CFAP221: variants seen among roughly 807,000 people sequenced by gnomAD.
CFAP221 encodes the protein cilia- and flagella-associated protein 221.
CFAP221 carries 97 observed loss-of-function variants against 113.1 expected under a neutral mutation model. The observed-to-expected ratio is 0.86, with a 90% CI of 0.73 to 1.02. The LOEUF (loss-of-function observed/expected upper bound fraction) is 1.02. Among genes scored for constraint, CFAP221 ranks in the 50% least tolerant of loss-of-function variants. CFAP221 has a pLI of 0.00. For missense variants in CFAP221, 1,025 were observed against 1,013.4 expected (o/e 1.01, Z -0.16); for synonymous variants, 331 against 354.4 (o/e 0.93, Z 0.74).
rs1025316537 is a variant in CFAP221 at position 119,633,999 on chromosome 2, T to G, written c.1974+3098T>G. Among the ~76,000 whole-genome samples, 8 of 152,322 alleles carry G rather than the reference T, an allele frequency of 5.3e-5. No homozygotes were observed. The East Asian group carries it at 9.6e-4, about 18-fold the overall frequency. Reference sequence around the variant, plus strand: ...GGCACATGCCTATAGTCCTAGCTACTTGGGAGGCTGAGGCAGGAGGACCTC... The same window carrying G: ...GGCACATGCCTATAGTCCTAGCTACGTGGGAGGCTGAGGCAGGAGGACCTC... On this transcript the variant is annotated intron_variant, in intron 19 of 23. Coordinates refer to ENST00000413369, the MANE Select transcript of CFAP221 (RefSeq NM_001271049.2).
chr2:119,603,808 GAAAA>G (rs1372938983), intron 8 of CFAP221, among the ~76,000 whole-genome samples: 4 of 151,990 alleles, frequency 2.6e-5, no homozygotes, highest in African/African-American at 4.8e-5. Context: ...TCTAAAAAAA[GAAAA>G]AAGAAATGCT....
intron 6 of CFAP221, among the ~76,000 whole-genome samples, chr2:119,571,866 C>A (rs1420710626): frequency 5.9e-5 from 9 of 152,244 alleles, no homozygotes; most frequent in Non-Finnish European, 1.3e-4. Flanking sequence ...GGTATGTTTT[C>A]CCTTTCACAT....
chr2:119,638,545 A>C lies in CFAP221; in HGVS notation c.2133+128A>C, dbSNP rs1158873826. The C allele has an allele frequency of 8.2e-6, 10 of 1,215,454 alleles. No homozygotes were observed. The East Asian group carries it at 1.9e-4, about 23-fold the overall frequency. 75.3% of individuals were successfully genotyped at this position (1,215,454 alleles called of 1,614,324 possible). A position where few individuals can be genotyped will look rare whatever the true frequency, so the allele number is the denominator to read the frequency against. ...CCACAGCTGCAGAACAAGAATGGTA[A>C]CACCGCCCCTCATACCGCCAGCCCT... On this transcript the variant is annotated intron_variant, in intron 20 of 23. Coordinates refer to ENST00000413369, the MANE Select transcript of CFAP221 (RefSeq NM_001271049.2).
chr2:119,567,956 C>CT (rs562845638), intron 6 of CFAP221, among the ~76,000 whole-genome samples: 1 of 151,828 alleles, frequency 6.6e-6, no homozygotes, highest in African/African-American at 2.4e-5. Context: ...TCTTTGTTTC[C>CT]TTTTTTTAGT....
At chr2:119,632,997 T>TA (rs1200559367) in intron 19 of CFAP221, among the ~76,000 whole-genome samples, 36 of 151,874 alleles carry the variant, frequency 2.4e-4, no homozygotes, top group Admixed American at 2.4e-3. Context: ...AAAGCCTAAA[T>TA]AAATGGAGAA....
rs143130691 is a variant in CFAP221 at position 119,625,629 on chromosome 2, A to C, written c.1457A>C (p.Glu486Ala). The C allele has an allele frequency of 9.3e-6, 15 of 1,613,898 alleles. No homozygotes were observed. The highest frequency in any genetic ancestry group is 1.3e-5 in the Non-Finnish European group (15 of 1,179,856). ...RLFNMLSAVR[E>A]MDKESILRKI... The stretch of plus-strand genomic sequence containing the variant: ...TTCAATATGCTGAGTGCTGTTCGTG[A>C]AATGGACAAAGAGAGTATACTGAGA... Residue 486 changes from glutamate (E) to alanine (A), a missense_variant, in exon 15 of 24, where the codon GAA becomes GCA. Transcript: ENST00000413369.
chr2:119,630,923 C>A (rs745416144), intron 19 of CFAP221, 22 bp downstream of exon 19: 3 of 1,607,910 alleles, frequency 1.9e-6, no homozygotes, highest in African/African-American at 1.3e-5. Flanking sequence ...CTGGCAGAAG[C>A]CTTGTTTTCT....
chr2:119,573,265 G>C (rs559353519), intron 6 of CFAP221: 1 of 152,214 alleles, frequency 6.6e-6, no homozygotes, highest in Non-Finnish European at 1.5e-5. Flanking sequence ...CGATCAAATT[G>C]ATGTTCACAA....
intron 7 of CFAP221, among the ~76,000 whole-genome samples, chr2:119,587,858 C>T (rs1266385608): frequency 2.6e-5 from 4 of 152,136 alleles, no homozygotes; most frequent in African/African-American, 7.2e-5. Flanking sequence ...ACAACTCTTT[C>T]AGTACTGCAA....
intron 21 of CFAP221, among the ~76,000 whole-genome samples, chr2:119,641,276 A>C (rs1031852375): frequency 1.3e-5 from 2 of 152,188 alleles, no homozygotes; most frequent in Non-Finnish European, 2.9e-5. Context: ...TGCGGTAAAC[A>C]AAAAGCACCC....
chr2:119,570,513 A>G (rs1681971062), intron 6 of CFAP221, among the ~76,000 whole-genome samples: 1 of 152,194 alleles, frequency 6.6e-6, no homozygotes, highest in African/African-American at 2.4e-5. Context: ...ACCCATACCA[A>G]CACCTATATC....
chr2:119,651,918 T>C (rs1688151292), intron 22 of CFAP221, 56 bp from the exon 23 acceptor site: 1 of 1,353,162 alleles, frequency 7.4e-7, no homozygotes, highest in Non-Finnish European at 1.0e-6. Context: ...ATTTCATTCC[T>C]ATTTTTACAC....
intron 8 of CFAP221, among the ~76,000 whole-genome samples, 187 bp from the exon 9 acceptor site, chr2:119,604,485 C>T (rs934853246): frequency 2.6e-5 from 4 of 151,948 alleles, no homozygotes; most frequent in Non-Finnish European, 4.4e-5. Context: ...ATTTTGATAT[C>T]GCTGATTATA....
At chr2:119,633,985 A>G (rs1289614553) in intron 19 of CFAP221, among the ~76,000 whole-genome samples, 2 of 152,204 alleles carry the variant, frequency 1.3e-5, no homozygotes, top group African/African-American at 4.8e-5. Flanking sequence ...GCACATGCCT[A>G]TAGTCCTAGC....
rs1206452877 is a variant in CFAP221, at chr2:119,546,180, C to T, written c.49C>T (p.Pro17Ser). The change falls in exon 2 of 24, where the codon CCC (proline) becomes TCC (serine). Residue 17 changes from proline (P) to serine (S), a missense_variant. Physicochemically the swap from Pro to Ser is moderately conservative, Grantham distance 74. Coordinates refer to ENST00000413369, the MANE Select transcript of CFAP221 (RefSeq NM_001271049.2). ...PSRGLKNAKE[P>S]FNNASPHLLK... is the part of the protein sequence containing the mutation. ...CAGAGGACTAAAGAATGCTAAAGAA[C>T]CCTTTAATAATGCATCACCCCATCT... 1.5e-5 allele frequency: 23 copies of T among 1,535,662 alleles called. No homozygotes were observed. In the East Asian group the frequency reaches 4.6e-4, roughly 31 times the overall value.
At chr2:119,597,014 C>G (rs1412582203) in intron 7 of CFAP221, among the ~76,000 whole-genome samples, 1 of 152,218 alleles carries the variant, frequency 6.6e-6, no homozygotes, top group Non-Finnish European at 1.5e-5. Context: ...TGTAAGAACT[C>G]AAGCGGGTCA....
At chr2:119,558,225 T>C (rs996415426) in intron 3 of CFAP221, among the ~76,000 whole-genome samples, 7 of 152,114 alleles carry the variant, frequency 4.6e-5, no homozygotes, top group Non-Finnish European at 8.8e-5. Flanking sequence ...TGGGGCTGAG[T>C]GGCCCCTCTC....
At chr2:119,575,715 TAC>T (rs1350153077) in intron 6 of CFAP221, among the ~76,000 whole-genome samples, 1 of 152,228 alleles carries the variant, frequency 6.6e-6, no homozygotes, top group Admixed American at 6.5e-5. Context: ...CACTGAATGG[TAC>T]ACTTAAAATG....
At chr2:119,601,902 G>A (rs573240812) in intron 8 of CFAP221, among the ~76,000 whole-genome samples, 3 of 152,298 alleles carry the variant, frequency 2.0e-5, no homozygotes, top group South Asian at 2.1e-4. Flanking sequence ...TGAAAAACAC[G>A]GGAGGTTTTC....
Sources: allele counts gnomAD v4.1 joint callset (sites outside exome capture counted in the v4.1 genomes callset), GRCh38; gene constraint gnomAD v4.1.1; transcripts MANE v1.5; gene names NCBI Gene and HGNC (gene_info 2026-07-23, HGNC 2026-07-21).